Variants in FBXW10 observed in about 807,000 individuals in gnomAD.
FBXW10 encodes F-box and WD repeat domain containing 10.
FBXW10 carries 68 observed loss-of-function variants against 113.1 expected under a neutral mutation model. The ratio of observed to expected loss-of-function variants is 0.60; its 90% confidence interval spans 0.49 to 0.74. The LOEUF (loss-of-function observed/expected upper bound fraction) is 0.74, where lower values mean the gene tolerates loss of function less well. Among genes scored for constraint, FBXW10 ranks in the 30% least tolerant of loss-of-function variants. The pLI is 0.00. For synonymous variants in FBXW10, 289 were observed against 481.6 expected, an observed-to-expected ratio of 0.60 and a Z score of 5.24; for missense variants, 753 against 1,284.5, an observed-to-expected ratio of 0.59 and a Z score of 6.32.
intron 1 of FBXW10, 71 bp from the exon 2 acceptor site, chr17:18,747,870 T>C: frequency 2.5e-6 from 4 of 1,605,420 alleles, no homozygotes; most frequent in Non-Finnish European, 3.4e-6. Flanking sequence ...AATGAAAAAG[T>C]TTCTCTCCAC....
intron 13 of FBXW10, among the ~76,000 whole-genome samples, chr17:18,777,020 G>A (rs1439990559): frequency 2.7e-5 from 4 of 149,480 alleles, no homozygotes; most frequent in East Asian, 1.9e-4. Flanking sequence ...TTTTGAGTTT[G>A]CAAGGAGAAT....
chr17:18,774,797 AAAAC>A (rs968165992), intron 12 of FBXW10, among the ~76,000 whole-genome samples: 14 of 152,360 alleles, frequency 9.2e-5, no homozygotes, highest in Middle Eastern at 6.8e-3. Context: ...CTGCATCTCA[AAAAC>A]AAACAAACAA....
chr17:18,772,426 CAG>C lies in FBXW10; in HGVS notation c.2026_2027del (p.Ser676GlnfsTer8), dbSNP rs1447734968. ...TTCGGTTCCAGGATGGTGGTCAACA[CAG>C]AGAGCAATGTTCTCATGTTCCAGTT... On this transcript the variant is annotated frameshift_variant, in exon 12 of 14. Coordinates refer to ENST00000395665, the MANE Select transcript of FBXW10 (RefSeq NM_001267585.2). LOFTEE classifies it high-confidence loss of function. 3 of 1,613,488 alleles carry C rather than the reference CAG, an allele frequency of 1.9e-6. No homozygotes were observed. Among genetic ancestry groups the C allele is most frequent in the African/African-American group, 1.3e-5 (1 of 74,854 alleles).
At chr17:18,747,724 A>G (rs7212014) in intron 1 of FBXW10, among the ~76,000 whole-genome samples, 1 of 152,016 alleles carries the variant, frequency 6.6e-6, no homozygotes, top group Non-Finnish European at 1.5e-5. Context: ...CAACTCGAGA[A>G]ATTTTACAAT....
intron 2 of FBXW10, 99 bp from the exon 3 acceptor site, chr17:18,749,623 G>A: frequency 6.5e-7 from 1 of 1,540,150 alleles, no homozygotes; most frequent in Admixed American, 1.8e-5. Context: ...AGTCTGAGGA[G>A]GTTTATTTTC....
At chr17:18,759,907 G>A (rs79326915) in intron 7 of FBXW10, among the ~76,000 whole-genome samples, 57 of 152,266 alleles carry the variant, frequency 3.7e-4, no homozygotes, top group African/African-American at 9.1e-4. Flanking sequence ...GAGCCACCGC[G>A]CCGGGCCCTT....
chr17:18,748,306 G>T (rs1290428511), intron 2 of FBXW10, among the ~76,000 whole-genome samples: 1 of 150,002 alleles, frequency 6.7e-6, no homozygotes, highest in Non-Finnish European at 1.5e-5. Context: ...TGTAGTCCCA[G>T]CTACTGAGGC....
rs775688571 is a variant in FBXW10 at position 18,750,150 on chromosome 17, A to G, written c.999+13A>G. ...TACCTTCTTGCAGGTACTTCCTGCAAGTCTGAAAGGGGAATGTCTGAGACC... is the reference window on the plus strand; with the variant it reads ...TACCTTCTTGCAGGTACTTCCTGCAGGTCTGAAAGGGGAATGTCTGAGACC... On this transcript the variant is annotated intron_variant, in intron 4 of 13. Transcript: ENST00000395665. 6.3e-7 allele frequency: 1 copy of G among 1,596,724 alleles called. No homozygotes were observed. Among genetic ancestry groups the G allele is most frequent in the South Asian group, 1.1e-5 (1 of 89,896 alleles).
chr17:18,774,663 C>T (rs1272500225), intron 12 of FBXW10, among the ~76,000 whole-genome samples: 3 of 152,104 alleles, frequency 2.0e-5, no homozygotes, highest in Non-Finnish European at 2.9e-5. Flanking sequence ...GGTGTGGTGG[C>T]GCATGCCTGT....
At chr17:18,759,690 G>C (rs1335924269) in intron 7 of FBXW10, among the ~76,000 whole-genome samples, 2 of 151,416 alleles carry the variant, frequency 1.3e-5, no homozygotes, top group African/African-American at 4.9e-5. Context: ...TTGGCTCACT[G>C]CAAGCTCCAC....
In FBXW10 at chr17:18,777,548, C is replaced by CT. The variant is rs879356764; in HGVS notation, c.2336-914dup. On this transcript the variant is annotated intron_variant, in intron 13 of 13. Coordinates refer to ENST00000395665, the MANE Select transcript of FBXW10 (RefSeq NM_001267585.2). ...AAGGTCATTCCCAACTTCACATTTT[C>CT]TTTTTTTTTTTTTGAGACTGAGTCT... Among the ~76,000 whole-genome samples, 388 of 140,066 alleles carry CT rather than the reference C, an allele frequency of 2.8e-3. 1 individual carries two copies. Among genetic ancestry groups the CT allele is most frequent in the African/African-American group, 3.7e-3 (142 of 38,402 alleles). The allele number at this position is 140,066 out of a possible 152,430, so 91.9% of individuals were successfully genotyped here.
intron 13 of FBXW10, among the ~76,000 whole-genome samples, chr17:18,775,429 G>A (rs927181085): frequency 2.6e-5 from 4 of 152,202 alleles, no homozygotes; most frequent in African/African-American, 9.7e-5. Context: ...TCTCCCAAGA[G>A]TGACTGGTTT....
intron 12 of FBXW10, 28 bp from the exon 13 acceptor site, chr17:18,775,108 T>C (rs765061605): frequency 1.3e-6 from 2 of 1,549,022 alleles, no homozygotes; most frequent in East Asian, 4.5e-5. Context: ...ATATAATGAC[T>C]ACAGCTTCTT....
chr17:18,751,224 CTTT>C (rs11331150), intron 5 of FBXW10, among the ~76,000 whole-genome samples, 171 bp downstream of exon 5: 13 of 140,150 alleles, frequency 9.3e-5, no homozygotes, highest in Admixed American at 1.4e-4. Flanking sequence ...GACACTTCCT[CTTT>C]TTTTTTTTTT....
intron 7 of FBXW10, among the ~76,000 whole-genome samples, chr17:18,762,318 C>CTT (rs879044366): frequency 1.7e-4 from 23 of 136,680 alleles, no homozygotes; most frequent in African/African-American, 3.2e-4. Flanking sequence ...AATATATTAT[C>CTT]TTTTTTTTTT....
rs1402704997 is a variant in FBXW10 at position 18,744,656 on chromosome 17, C to T, written c.412C>T (p.Leu138Phe). The change falls in exon 1 of 14, where the codon CTC becomes TTC. Residue 138 changes from leucine (L) to phenylalanine (F), a missense_variant. Coordinates refer to ENST00000395665, the MANE Select transcript of FBXW10 (RefSeq NM_001267585.2). ...CCAGTGGACCAAGGCGAATTATACT[C>T]TCTTACTGCTGCAGATGTGCAACCC... ...STQWTKANYT[L>F]LLLQMCNPKL... 1.2e-6 allele frequency: 2 copies of T among 1,613,984 alleles called. No individual in the cohort carries two copies. The highest frequency in any genetic ancestry group is 1.7e-6 in the Non-Finnish European group (2 of 1,179,880).
chr17:18,749,104 C>G (rs374335912), intron 2 of FBXW10, among the ~76,000 whole-genome samples: 35 of 152,258 alleles, frequency 2.3e-4, no homozygotes, highest in African/African-American at 7.2e-4. Context: ...CATTTCCCCC[C>G]CTTTCTTAAG....
At chr17:18,763,281 C>T (rs8076572) in intron 7 of FBXW10, among the ~76,000 whole-genome samples, 1 of 151,050 alleles carries the variant, frequency 6.6e-6, no homozygotes, top group Admixed American at 6.6e-5. Context: ...CTCAGCCTCC[C>T]GAGTAGCTGG....
chr17:18,765,189 A>G (rs1261417650), intron 8 of FBXW10, among the ~76,000 whole-genome samples: 2 of 152,214 alleles, frequency 1.3e-5, no homozygotes, highest in Admixed American at 6.5e-5. Flanking sequence ...ACATAAATAT[A>G]TAGTGGGGAA....
Sources: allele counts gnomAD v4.1 joint callset (sites outside exome capture counted in the v4.1 genomes callset), GRCh38; gene constraint gnomAD v4.1.1; transcripts MANE v1.5; gene names NCBI Gene and HGNC (gene_info 2026-07-23, HGNC 2026-07-21).